The following ATP2A2 variants were observed in gnomAD, a reference collection of about 807,000 sequenced individuals.
ATP2A2 encodes the protein ATPase sarcoplasmic/endoplasmic reticulum Ca2+ transporting 2.
In ATP2A2, 14 loss-of-function variants were observed where a neutral mutation model predicts 109.3. The ratio of observed to expected loss-of-function variants is 0.13; its 90% confidence interval spans 0.08 to 0.20. The LOEUF (loss-of-function observed/expected upper bound fraction) is 0.20, where lower values mean the gene tolerates loss of function less well. Among genes scored for constraint, ATP2A2 ranks in the 10% least tolerant of loss-of-function variants. ATP2A2 has a pLI of 1.00. For missense variants in ATP2A2, 657 were observed against 1,321.6 expected (o/e 0.50, Z 7.80); for synonymous variants, 506 against 490.9 (o/e 1.03, Z -0.41).
chr12:110,308,338 T>C (rs1238772537), intron 5 of ATP2A2, among the ~76,000 whole-genome samples: 1 of 152,164 alleles, frequency 6.6e-6, no homozygotes, highest in African/African-American at 2.4e-5. Context: ...AAGTGTGACA[T>C]AGGTGTGGGT....
chr12:110,317,409 G>T (rs968866945), intron 5 of ATP2A2, among the ~76,000 whole-genome samples: 1 of 145,526 alleles, frequency 6.9e-6, no homozygotes, highest in Non-Finnish European at 1.5e-5. Flanking sequence ...GCTGATTTTT[G>T]GTTTGTTTGG....
chr12:110,333,809 T>G (rs1878571352), intron 10 of ATP2A2, among the ~76,000 whole-genome samples: 1 of 152,230 alleles, frequency 6.6e-6, no homozygotes, highest in Non-Finnish European at 1.5e-5. Context: ...AAAAACCTAC[T>G]TATTAGAATA....
intron 5 of ATP2A2, 114 bp downstream of exon 5, chr12:110,296,851 AT>A (rs1436259811): frequency 2.5e-6 from 3 of 1,202,190 alleles, no homozygotes; most frequent in Non-Finnish European, 3.5e-6. Context: ...CAATTAACAC[AT>A]TTTATTGCCA....
rs950966273 is a variant in ATP2A2 at position 110,322,889 on chromosome 12, A to G, written c.464-103A>G. On this transcript the variant is annotated intron_variant, in intron 5 of 19. Coordinates refer to ENST00000539276, the MANE Select transcript of ATP2A2 (RefSeq NM_170665.4). Reference sequence around the variant, plus strand: ...TTTTATGTATTTGTGTTATATGCAGATCATTTATTTTCTTTAAAAATTGAT... The same window carrying G: ...TTTTATGTATTTGTGTTATATGCAGGTCATTTATTTTCTTTAAAAATTGAT... 9 of 862,298 alleles carry G rather than the reference A, an allele frequency of 1.0e-5. No homozygotes were observed. The African/African-American group carries it at 1.5e-4, about 14-fold the overall frequency. The allele number at this position is 862,298 out of a possible 1,614,324, so 53.4% of individuals were successfully genotyped here.
rs1052323026 is a variant in ATP2A2, at chr12:110,349,372, G to T, written c.*2902G>T. 30 of 985,382 alleles carry T rather than the reference G, an allele frequency of 3.0e-5. No individual in the cohort carries two copies. The highest frequency in any genetic ancestry group is 5.2e-4 in the Middle Eastern group (1 of 1,936). 61.0% of individuals were successfully genotyped at this position (985,382 alleles called of 1,614,324 possible). On this transcript the variant is annotated 3_prime_UTR_variant, in exon 20 of 20. Transcript: ENST00000539276. Reference sequence around the variant, plus strand: ...CACATTCTTTCCTGATGGGCAGGTGGCTGAAGGCCCAGCCATCAGTGTCGC... The same window carrying T: ...CACATTCTTTCCTGATGGGCAGGTGTCTGAAGGCCCAGCCATCAGTGTCGC...
intron 18 of ATP2A2, 182 bp from the exon 19 acceptor site, chr12:110,345,817 TCA>T (rs1340788823): frequency 2.2e-5 from 15 of 687,426 alleles, no homozygotes; most frequent in East Asian, 2.2e-4. Context: ...GATACAGAAT[TCA>T]CAGTTTGTCC....
rs756819328 is a variant in ATP2A2, at chr12:110,342,477, G to A, written c.2318+29G>A. On this transcript the variant is annotated intron_variant, in intron 15 of 19. Transcript: ENST00000539276. This position sits in a 1 kb window ranked among gnomAD's most constrained non-coding sequence, Gnocchi z 4.6. ...GGTCTCTGTGACAGCATCACTTACT[G>A]TACGCCTTTATCTAAATGGGTCATG... is the stretch of plus-strand genomic sequence containing the variant. 1 of 1,606,712 alleles carries A rather than the reference G, an allele frequency of 6.2e-7. No individual in the cohort carries two copies.
At chr12:110,323,577 A>C (rs925359842) in intron 6 of ATP2A2, among the ~76,000 whole-genome samples, 1 of 152,172 alleles carries the variant, frequency 6.6e-6, no homozygotes, top group African/African-American at 2.4e-5. Flanking sequence ...TGGGAGACTG[A>C]GGCGGGCAGA....
rs557393828 is a variant in ATP2A2, at chr12:110,349,708, C to T, written c.*3238C>T. On this transcript the variant is annotated 3_prime_UTR_variant, in exon 20 of 20. Transcript: ENST00000539276. The stretch of plus-strand genomic sequence containing the variant: ...CACTGTCCAGGGCCAGAGCATACCA[C>T]GTCTGCAGTGCCTGTGAGCAGAGCC... 9.9e-6 allele frequency: 10 copies of T among 1,005,532 alleles called. No individual in the cohort carries two copies. Among genetic ancestry groups the T allele is most frequent in the Admixed American group, 5.2e-5 (1 of 19,414 alleles). 62.3% of individuals were successfully genotyped at this position (1,005,532 alleles called of 1,614,324 possible). A position where few individuals can be genotyped will look rare whatever the true frequency, so the allele number is the denominator to read the frequency against.
At position 110,300,603 on chromosome 12, in the gene ATP2A2, G is replaced by A. The variant is rs145000583; in HGVS notation, c.463+3866G>A. Among the ~76,000 whole-genome samples, 71 of 149,670 alleles carry A rather than the reference G, an allele frequency of 4.7e-4. No homozygotes were observed. In the East Asian group the frequency reaches 0.013, roughly 28 times the overall value. Reference sequence around the variant, plus strand: ...GATCCTCCCGCCTCAGCCTCCCAAAGTGCTGGGATTACTTACAGGTGTGAG... The same window carrying A: ...GATCCTCCCGCCTCAGCCTCCCAAAATGCTGGGATTACTTACAGGTGTGAG... On this transcript the variant is annotated intron_variant, in intron 5 of 19. Transcript: ENST00000539276.
In ATP2A2 at chr12:110,349,340, T is replaced by A. The variant is rs1880185111; in HGVS notation, c.*2870T>A. 1.0e-6 allele frequency: 1 copy of A among 985,400 alleles called. No individual in the cohort carries two copies. Among genetic ancestry groups the A allele is most frequent in the Non-Finnish European group, 1.2e-6 (1 of 829,984 alleles). 61.0% of individuals were successfully genotyped at this position (985,400 alleles called of 1,614,324 possible). On this transcript the variant is annotated 3_prime_UTR_variant, in exon 20 of 20. Transcript: ENST00000539276. ...CTGTCAGGCAGCTCTTGCCTGAAAC[T>A]TACTTCCACATTCTTTCCTGATGGG...
At position 110,293,969 on chromosome 12, in the gene ATP2A2, T is replaced by C. The variant is rs1052360564; in HGVS notation, c.324+1845T>C. On this transcript the variant is annotated intron_variant, in intron 4 of 19. Transcript: ENST00000539276. ...TTGGCTCACTGCAACCTCCGTCTTGTGGGTTTGAACAATTCTCCTGCCTCA... is the reference window on the plus strand; with the variant it reads ...TTGGCTCACTGCAACCTCCGTCTTGCGGGTTTGAACAATTCTCCTGCCTCA... Among the ~76,000 whole-genome samples, 17 of 148,292 alleles carry C rather than the reference T, an allele frequency of 1.1e-4. 1 individual carries two copies. In the South Asian group the frequency reaches 2.6e-3, roughly 23 times the overall value.
In ATP2A2 at chr12:110,331,221, G is replaced by A. The variant is rs575017179; in HGVS notation, c.1096-1376G>A. On this transcript the variant is annotated intron_variant, in intron 8 of 19. Transcript: ENST00000539276. ...CCATTGCAGTCCACCCAGCCTAGGC[G>A]ACAGAGTGAAACTCCACCTCAAAAA... 1.0e-3 allele frequency: 153 copies of A among 148,840 alleles called. 1 individual carries two copies. The highest frequency in any genetic ancestry group is 3.4e-3 in the African/African-American group (136 of 40,378). The allele number at this position is 148,840 out of a possible 1,614,324, so 9.2% of individuals were successfully genotyped here. A position where few individuals can be genotyped will look rare whatever the true frequency, so the allele number is the denominator to read the frequency against.
At chr12:110,294,842 C>T (rs908959144) in intron 4 of ATP2A2, among the ~76,000 whole-genome samples, 3 of 151,854 alleles carry the variant, frequency 2.0e-5, no homozygotes, top group African/African-American at 2.4e-5. Context: ...TTTTTTAAGA[C>T]GGAGTCTCGC....
chr12:110,296,854 T>C, intron 5 of ATP2A2, 117 bp downstream of exon 5: 1 of 1,179,152 alleles, frequency 8.5e-7, no homozygotes. Flanking sequence ...TTAACACATT[T>C]TATTGCCATT....
intron 14 of ATP2A2, among the ~76,000 whole-genome samples, chr12:110,341,776 G>A (rs1879379831): frequency 6.6e-6 from 1 of 152,192 alleles, no homozygotes; most frequent in Admixed American, 6.5e-5. Flanking sequence ...GGGAGATTGA[G>A]GCAGGAGAAT....
intron 5 of ATP2A2, among the ~76,000 whole-genome samples, chr12:110,320,604 A>G (rs1276209761): frequency 1.3e-5 from 2 of 152,230 alleles, no homozygotes; most frequent in Non-Finnish European, 2.9e-5. Flanking sequence ...GTTGTCTTAA[A>G]TCATCTGTTA....
chr12:110,323,685 A>G (rs2137805033), intron 6 of ATP2A2, among the ~76,000 whole-genome samples: 1 of 152,166 alleles, frequency 6.6e-6, no homozygotes, highest in South Asian at 2.1e-4. Context: ...AATCCCAGCT[A>G]CTCAGGAGGC....
At chr12:110,282,163 G>A (rs976418446) in intron 1 of ATP2A2, among the ~76,000 whole-genome samples, 1 of 152,202 alleles carries the variant, frequency 6.6e-6, no homozygotes, top group Non-Finnish European at 1.5e-5. Flanking sequence ...AGCAGCAGCC[G>A]GCCCCGGTGG....
Sources: gnomAD v4.1 joint callset for allele counts (sites outside exome capture counted in the v4.1 genomes callset) on GRCh38, gnomAD v4.1.1 for gene constraint, Gnocchi (gnomAD v3.1) non-coding constraint, MANE v1.5 for transcripts, NCBI Gene and HGNC (gene_info 2026-07-23, HGNC 2026-07-21) for gene names.